Variants in DOCK3 observed in about 807,000 individuals in gnomAD.
The protein encoded by DOCK3 is dedicator of cytokinesis protein 3.
In DOCK3, 60 loss-of-function variants were observed where a neutral mutation model predicts 265.6. The ratio of observed to expected loss-of-function variants is 0.23; its 90% CI spans 0.18 to 0.28. The LOEUF (loss-of-function observed/expected upper bound fraction) is 0.28. DOCK3 is among the 10% of genes least tolerant of loss of function. The pLI is 1.00. For synonymous variants in DOCK3, 881 were observed against 938.0 expected, an observed-to-expected ratio of 0.94 and a Z score of 1.11; for missense variants, 1,981 against 2,594.3, an observed-to-expected ratio of 0.76 and a Z score of 5.14.
At chr3:51,366,622 A>T (rs1276184620) in intron 49 of DOCK3, among the ~76,000 whole-genome samples, 1 of 152,152 alleles carries the variant, frequency 6.6e-6, no homozygotes, top group South Asian at 2.1e-4. Flanking sequence ...TCTTGTGGGT[A>T]TTTAGTGCTA....
At chr3:50,736,288 T>C (rs549476603) in intron 1 of DOCK3, among the ~76,000 whole-genome samples, 1 of 152,304 alleles carries the variant, frequency 6.6e-6, no homozygotes, top group East Asian at 1.9e-4. Flanking sequence ...ATTTTCTTAA[T>C]CCAGTCTATC....
chr3:50,678,348 T>C (rs943470311), intron 1 of DOCK3, among the ~76,000 whole-genome samples: 1 of 152,166 alleles, frequency 6.6e-6, no homozygotes, highest in Non-Finnish European at 1.5e-5. Flanking sequence ...CTCTAAAGTG[T>C]ATTAGGTGAG....
intron 3 of DOCK3, among the ~76,000 whole-genome samples, chr3:50,889,112 T>TGTGTGTGTGTGTGTG (rs2048511762): frequency 7.0e-6 from 1 of 143,208 alleles, no homozygotes; most frequent in African/African-American, 2.6e-5. Context: ...TGTGTGTGTG[T>TGTGTGTGTGTGTGTG]TTAAGACAGG....
At chr3:50,877,437 T>C (rs1307889985) in intron 3 of DOCK3, 2 of 520,070 alleles carry the variant, frequency 3.8e-6, no homozygotes, top group Admixed American at 1.9e-5. Flanking sequence ...TCTGTGTGCT[T>C]TCCCTCACCA....
chr3:50,920,083 C>T (rs1009246289), intron 4 of DOCK3, among the ~76,000 whole-genome samples: 2 of 152,252 alleles, frequency 1.3e-5, no homozygotes, highest in African/African-American at 2.4e-5. Flanking sequence ...ACCAGCCTTG[C>T]ATCCCAGGGA....
intron 1 of DOCK3, among the ~76,000 whole-genome samples, chr3:50,764,265 A>G (rs1318777872): frequency 6.6e-6 from 1 of 152,210 alleles, no homozygotes; most frequent in Non-Finnish European, 1.5e-5. Context: ...CAGAAGCTGT[A>G]TACAATTGGC....
At chr3:50,754,191 G>A (rs1017706438) in intron 1 of DOCK3, among the ~76,000 whole-genome samples, 2 of 147,952 alleles carry the variant, frequency 1.4e-5, no homozygotes, top group African/African-American at 5.0e-5. Flanking sequence ...AGCTGCAGGA[G>A]GAACAGAAAA....
intron 12 of DOCK3, among the ~76,000 whole-genome samples, chr3:51,161,936 A>G (rs550722493): frequency 1.3e-5 from 2 of 152,310 alleles, no homozygotes; most frequent in South Asian, 2.1e-4. Flanking sequence ...TAAGCAGTCC[A>G]TCTCCTTCTA....
intron 27 of DOCK3, among the ~76,000 whole-genome samples, chr3:51,292,156 A>G (rs186036024): frequency 9.4e-4 from 143 of 152,364 alleles, no homozygotes; most frequent in African/African-American, 2.1e-3. Flanking sequence ...TGAAAAACTG[A>G]AAGCATTTTT....
chr3:51,228,938 A>G (rs948426635), intron 18 of DOCK3, 106 bp downstream of exon 18: 6 of 1,339,386 alleles, frequency 4.5e-6, no homozygotes, highest in South Asian at 1.5e-5. Flanking sequence ...TCTTGATGCC[A>G]TAATAATGGG....
At chr3:50,922,291 A>C (rs2050520783) in intron 4 of DOCK3, among the ~76,000 whole-genome samples, 3 of 152,172 alleles carry the variant, frequency 2.0e-5, no homozygotes, top group Admixed American at 6.5e-5. Flanking sequence ...GCCTCCTTGC[A>C]GTTTGATCTC....
At chr3:50,837,970 T>C (rs1237308862) in intron 2 of DOCK3, among the ~76,000 whole-genome samples, 2 of 152,148 alleles carry the variant, frequency 1.3e-5, no homozygotes, top group African/African-American at 4.8e-5. Flanking sequence ...AGACTTTGAA[T>C]TTTATTTTGA....
intron 5 of DOCK3, among the ~76,000 whole-genome samples, chr3:51,009,473 T>C (rs1236293612): frequency 6.6e-6 from 1 of 152,224 alleles, no homozygotes; most frequent in Non-Finnish European, 1.5e-5. Context: ...AACCCCTTTA[T>C]CGTTTTTTAT....
intron 1 of DOCK3, among the ~76,000 whole-genome samples, chr3:50,759,915 C>T (rs2040423378): frequency 6.6e-6 from 1 of 150,956 alleles, no homozygotes; most frequent in African/African-American, 2.4e-5. Context: ...TTTATCCTGT[C>T]AGTTAATTCC....
At chr3:51,098,382 T>A (rs1316954395) in intron 9 of DOCK3, among the ~76,000 whole-genome samples, 1 of 151,716 alleles carries the variant, frequency 6.6e-6, no homozygotes. Context: ...TCTCTTGGAG[T>A]TTTTTCAGCA....
At chr3:51,095,096 G>T (rs1191369436) in intron 9 of DOCK3, among the ~76,000 whole-genome samples, 1 of 150,826 alleles carries the variant, frequency 6.6e-6, no homozygotes, top group African/African-American at 2.4e-5. Context: ...CTCCTGCTGG[G>T]TCTTGACTCT....
chr3:50,900,304 G>C (rs766295774), intron 4 of DOCK3, among the ~76,000 whole-genome samples: 10 of 152,074 alleles, frequency 6.6e-5, no homozygotes, highest in Non-Finnish European at 1.0e-4. Flanking sequence ...CGAAGTTCTT[G>C]TGCTGTGTTT....
At chr3:50,900,587 CTGGT>C (rs1478868299) in intron 4 of DOCK3, 4 of 360,538 alleles carry the variant, frequency 1.1e-5, no homozygotes, top group African/African-American at 8.9e-5. Context: ...CCTTTTTATG[CTGGT>C]TTTTCCTCAT....
At chr3:51,017,080 T>C (rs2079377501) in intron 5 of DOCK3, among the ~76,000 whole-genome samples, 1 of 148,666 alleles carries the variant, frequency 6.7e-6, no homozygotes, top group East Asian at 1.9e-4. Flanking sequence ...GTTCAGGTTT[T>C]GGATTTCTTC....
Sources: gnomAD v4.1 joint callset for allele counts (sites outside exome capture counted in the v4.1 genomes callset) on GRCh38, gnomAD v4.1.1 for gene constraint, MANE v1.5 for transcripts, NCBI Gene and HGNC (gene_info 2026-07-23, HGNC 2026-07-21) for gene names.